HDGFL3: variants seen among roughly 807,000 people sequenced by gnomAD.
The protein encoded by HDGFL3 is hepatoma-derived growth factor-related protein 3.
HDGFL3 carries 6 observed loss-of-function variants against 27.6 expected under a neutral mutation model. The ratio of observed to expected loss-of-function variants is 0.22; its 90% CI spans 0.12 to 0.43. HDGFL3 has a LOEUF of 0.43. Among genes scored for constraint, HDGFL3 ranks in the 20% least tolerant of loss-of-function variants. The pLI is 1.00. For missense variants in HDGFL3, 207 were observed against 250.1 expected (o/e 0.83, Z 1.16); for synonymous variants, 88 against 88.9 (o/e 0.99, Z 0.05).
At chr15:83,167,626 G>T (rs1377706383) in intron 1 of HDGFL3, among the ~76,000 whole-genome samples, 1 of 151,332 alleles carries the variant, frequency 6.6e-6, no homozygotes, top group Non-Finnish European at 1.5e-5. Flanking sequence ...CAACAAGAAG[G>T]TTTAACCATT....
chr15:83,121,553 A>G (rs1357420529), intron 3 of HDGFL3, among the ~76,000 whole-genome samples: 2 of 152,242 alleles, frequency 1.3e-5, no homozygotes, highest in Non-Finnish European at 2.9e-5. Context: ...ACTTATAATG[A>G]TTAAAAATAT....
At chr15:83,120,161 C>T (rs959377277) in intron 3 of HDGFL3, 1 of 165,434 alleles carries the variant, frequency 6.0e-6, no homozygotes, top group Non-Finnish European at 1.3e-5. Context: ...TGTGTATGTA[C>T]AAGGGATTAA....
At chr15:83,125,792 G>T (rs1283984900), downstream of HDGFL3, among the ~76,000 whole-genome samples, 2 of 152,190 alleles carry the variant, frequency 1.3e-5, no homozygotes, top group African/African-American at 4.8e-5. Flanking sequence ...GGCTACTGGG[G>T]GCCTGTGCAG....
chr15:83,152,414 C>T (rs999371949), intron 4 of HDGFL3, among the ~76,000 whole-genome samples: 1 of 151,738 alleles, frequency 6.6e-6, no homozygotes, highest in East Asian at 1.9e-4. Flanking sequence ...ACAAAAATTA[C>T]CTGGGGCTGG....
chr15:83,203,230 G>C (rs1001468828), intron 1 of HDGFL3, among the ~76,000 whole-genome samples: 1 of 152,038 alleles, frequency 6.6e-6, no homozygotes, highest in African/African-American at 2.4e-5. Context: ...CATAAGCAGA[G>C]TGCTCACATC....
At position 83,128,311 on chromosome 15, in the gene HDGFL3, A is replaced by C. The variant is rs889747795; in HGVS notation, c.*10959T>G. 22 of 152,356 alleles carry C rather than the reference A, an allele frequency of 1.4e-4. No individual in the cohort carries two copies. Among genetic ancestry groups the C allele is most frequent in the African/African-American group, 5.3e-4 (22 of 41,588 alleles). The allele number at this position is 152,356 out of a possible 1,614,324, so 9.4% of individuals were successfully genotyped here. A position where few individuals can be genotyped will look rare whatever the true frequency, so the allele number is the denominator to read the frequency against. The stretch of plus-strand genomic sequence containing the variant: ...GAAAAATATAGTATTTAAGGGGTCA[A>C]TGCATTAAATCCTTTCAGTTTGAGG... On this transcript the variant is annotated 3_prime_UTR_variant, in exon 6 of 6. Coordinates refer to ENST00000299633, the MANE Select transcript of HDGFL3 (RefSeq NM_016073.4).
chr15:83,146,933 G>A (rs2036903175), intron 5 of HDGFL3, among the ~76,000 whole-genome samples: 1 of 152,078 alleles, frequency 6.6e-6, no homozygotes, highest in Non-Finnish European at 1.5e-5. Context: ...AAGCAATCAG[G>A]TAAGAATTTC....
chr15:83,165,750 G>A, intron 1 of HDGFL3, among the ~76,000 whole-genome samples: 1 of 136,390 alleles, frequency 7.3e-6, no homozygotes, highest in Non-Finnish European at 1.5e-5. Flanking sequence ...AGCCGAGATT[G>A]TGCCACTGCA....
At chr15:83,202,292 C>A (rs2037657109) in intron 1 of HDGFL3, among the ~76,000 whole-genome samples, 9 of 152,030 alleles carry the variant, frequency 5.9e-5, no homozygotes, top group Admixed American at 5.9e-4. Flanking sequence ...GCTCTTGAAG[C>A]TATATAAATA....
downstream of HDGFL3, among the ~76,000 whole-genome samples, chr15:83,125,974 G>A (rs556767775): frequency 1.3e-5 from 2 of 152,332 alleles, no homozygotes; most frequent in East Asian, 3.9e-4. Context: ...CTGTTCTTTG[G>A]TTAGTTTGTT....
downstream of HDGFL3, chr15:83,126,873 T>C: frequency 6.4e-7 from 1 of 1,563,578 alleles, no homozygotes; most frequent in Non-Finnish European, 8.7e-7. Flanking sequence ...AGCCTAAGAT[T>C]TTTCTAAAAT....
intron 3 of HDGFL3, among the ~76,000 whole-genome samples, chr15:83,118,264 CAT>C (rs1319747551): frequency 4.5e-4 from 65 of 145,864 alleles, no homozygotes; most frequent in South Asian, 1.5e-3. Context: ...CACACACACA[CAT>C]ACAGAGAGAG....
chr15:83,148,795 C>CT (rs1361877866), intron 5 of HDGFL3, among the ~76,000 whole-genome samples: 2 of 151,940 alleles, frequency 1.3e-5, no homozygotes, highest in Non-Finnish European at 2.9e-5. Context: ...GAAAACAGTG[C>CT]TGAGTGAATG....
intron 1 of HDGFL3, among the ~76,000 whole-genome samples, chr15:83,191,678 T>C (rs1166645810): frequency 4.6e-5 from 7 of 152,178 alleles, no homozygotes; most frequent in Admixed American, 4.6e-4. Context: ...AAAACTTTCT[T>C]TTATTATACT....
At chr15:83,161,769 T>C (rs961709437) in intron 2 of HDGFL3, among the ~76,000 whole-genome samples, 2 of 152,222 alleles carry the variant, frequency 1.3e-5, no homozygotes, top group Non-Finnish European at 2.9e-5. Context: ...GGATTATAGA[T>C]AATTGTGTAA....
At chr15:83,177,661 A>G (rs549019818) in intron 1 of HDGFL3, among the ~76,000 whole-genome samples, 1 of 152,340 alleles carries the variant, frequency 6.6e-6, no homozygotes, top group Non-Finnish European at 1.5e-5. Context: ...TTTTTAAGAT[A>G]GAAATATAAA....
At chr15:83,173,630 G>A (rs186983285) in intron 1 of HDGFL3, among the ~76,000 whole-genome samples, 563 of 152,130 alleles carry the variant, frequency 3.7e-3, no homozygotes, top group Non-Finnish European at 6.4e-3. Flanking sequence ...CATCTACTCT[G>A]AAATTATGTT....
At chr15:83,201,901 A>G (rs2037651859) in intron 1 of HDGFL3, among the ~76,000 whole-genome samples, 1 of 152,182 alleles carries the variant, frequency 6.6e-6, no homozygotes, top group Non-Finnish European at 1.5e-5. Context: ...TGGGAAAAAG[A>G]CTGAGTGAGC....
chr15:83,156,438 C>T (rs532051109), intron 4 of HDGFL3, among the ~76,000 whole-genome samples: 51 of 152,220 alleles, frequency 3.4e-4, no homozygotes, highest in African/African-American at 1.1e-3. Context: ...AGTTGCTCAC[C>T]GCTGTATACC....
Sources: gnomAD v4.1 joint callset for allele counts (sites outside exome capture counted in the v4.1 genomes callset) on GRCh38, gnomAD v4.1.1 for gene constraint, MANE v1.5 for transcripts, NCBI Gene and HGNC (gene_info 2026-07-23, HGNC 2026-07-21) for gene names.